The following PARD3 variants were observed in gnomAD, a reference collection of about 807,000 sequenced individuals.
PARD3 encodes the protein partitioning defective 3 homolog.
A neutral mutation model predicts 155.4 loss-of-function variants in PARD3; 75 were observed. That is an observed-to-expected ratio of 0.48 (90% CI 0.40 to 0.58). The LOEUF is 0.58. Among genes scored for constraint, PARD3 ranks in the 20% least tolerant of loss-of-function variants. The pLI is 0.00. For missense variants in PARD3, 1,642 were observed against 1,721.7 expected, an observed-to-expected ratio of 0.95 and a Z score of 0.82; for synonymous variants, 576 against 610.5, an observed-to-expected ratio of 0.94 and a Z score of 0.83.
At chr10:34,312,177 A>G (rs1284301132) in intron 20 of PARD3, 3 of 1,167,768 alleles carry the variant, frequency 2.6e-6, no homozygotes, top group Non-Finnish European at 3.5e-6. Context: ...TCAAGATCCA[A>G]AAGTTCCAAA....
At chr10:34,755,092 A>C in intron 1 of PARD3, among the ~76,000 whole-genome samples, 1 of 142,238 alleles carries the variant, frequency 7.0e-6, no homozygotes, top group Admixed American at 6.7e-5. Context: ...AGGATGACTG[A>C]CAGCTTCAAG....
chr10:34,789,304 A>T (rs2134231899), intron 1 of PARD3, among the ~76,000 whole-genome samples: 1 of 152,268 alleles, frequency 6.6e-6, no homozygotes, highest in African/African-American at 2.4e-5. Context: ...AAAGGAAAAA[A>T]ATTACCAAAA....
intron 2 of PARD3, among the ~76,000 whole-genome samples, chr10:34,660,876 T>C (rs892309174): frequency 2.6e-5 from 4 of 152,148 alleles, no homozygotes; most frequent in Non-Finnish European, 4.4e-5. Flanking sequence ...CACAGAAATA[T>C]TGTGTTTCAT....
intron 22 of PARD3, among the ~76,000 whole-genome samples, chr10:34,198,461 T>C (rs1001187473): frequency 6.7e-6 from 1 of 150,284 alleles, no homozygotes; most frequent in African/African-American, 2.5e-5. Flanking sequence ...TTGGTGTGTG[T>C]GTGTGTGTGT....
intron 2 of PARD3, among the ~76,000 whole-genome samples, chr10:34,553,238 C>A (rs2084729702): frequency 6.6e-6 from 1 of 152,118 alleles, no homozygotes; most frequent in South Asian, 2.1e-4. Context: ...TTGCCAAACA[C>A]AATTCCTAGG....
intron 21 of PARD3, among the ~76,000 whole-genome samples, chr10:34,270,841 C>T (rs1955578988): frequency 6.6e-6 from 1 of 152,148 alleles, no homozygotes; most frequent in Non-Finnish European, 1.5e-5. Context: ...TACATTACAA[C>T]TAAGAAACAA....
rs935925549 is a variant in PARD3 at position 34,382,766 on chromosome 10, G to T, written c.1173C>A (p.Asn391Lys). 1.2e-6 allele frequency: 2 copies of T among 1,614,074 alleles called. No homozygotes were observed. Among genetic ancestry groups the T allele is most frequent in the South Asian group, 1.1e-5 (1 of 91,086 alleles). Residue 391 changes from asparagine to lysine, a missense_variant, in exon 9 of 25, where the codon AAC becomes AAA. Physicochemically the swap from Asn to Lys is moderately conservative, Grantham distance 94. Transcript: ENST00000374788. ...RFSPDSQYIDNRSVNSAGLHT... is the reference protein window; with the variant it reads ...RFSPDSQYIDKRSVNSAGLHT... ...GAAGCCCTGCACTGTTCACACTCCTGTTGTCAATATACTGGCTGTCAGGGC... is the reference window on the plus strand; with the variant it reads ...GAAGCCCTGCACTGTTCACACTCCTTTTGTCAATATACTGGCTGTCAGGGC...
At chr10:34,628,050 G>A (rs1207603740) in intron 2 of PARD3, among the ~76,000 whole-genome samples, 1 of 152,014 alleles carries the variant, frequency 6.6e-6, no homozygotes, top group Non-Finnish European at 1.5e-5. Flanking sequence ...CACTCTCCTG[G>A]GATTTGCACA....
rs1753583 is a variant in PARD3, at chr10:34,139,200, T to G, written c.3420-7617A>C. 7.2e-5 allele frequency among the ~76,000 whole-genome samples: 11 copies of G among 152,172 alleles called. No individual in the cohort carries two copies. In the East Asian group the frequency reaches 2.1e-3, roughly 29 times the overall value. On this transcript the variant is annotated intron_variant, in intron 22 of 24. Coordinates refer to ENST00000374788, the MANE Select transcript of PARD3 (RefSeq NM_001184785.2). ...AAAGGAGAAGATAGTAGGTTAAAGC[T>G]TCTAAGACTCAATTCACTTATACTC...
At chr10:34,551,950 C>A (rs2084613983) in intron 2 of PARD3, among the ~76,000 whole-genome samples, 1 of 152,178 alleles carries the variant, frequency 6.6e-6, no homozygotes, top group African/African-American at 2.4e-5. Context: ...GGTTGTCTGT[C>A]TTGACCCTAC....
chr10:34,549,176 A>C (rs1184869542), intron 2 of PARD3, among the ~76,000 whole-genome samples: 2 of 152,202 alleles, frequency 1.3e-5, no homozygotes, highest in Non-Finnish European at 2.9e-5. Flanking sequence ...TTCCCATGAG[A>C]AATCCTCTGA....
chr10:34,694,849 A>G (rs1032312844), intron 2 of PARD3, among the ~76,000 whole-genome samples: 4 of 152,178 alleles, frequency 2.6e-5, no homozygotes, highest in Admixed American at 2.0e-4. Flanking sequence ...TAAGATATGC[A>G]CCAACTCTCA....
At chr10:34,720,162 GC>G (rs1408654421) in intron 1 of PARD3, among the ~76,000 whole-genome samples, 1 of 152,222 alleles carries the variant, frequency 6.6e-6, no homozygotes, top group Admixed American at 6.5e-5. Context: ...AACGGGCACG[GC>G]GGCTCATGCC....
At chr10:34,692,086 G>T (rs1426203499) in intron 2 of PARD3, among the ~76,000 whole-genome samples, 15 of 152,134 alleles carry the variant, frequency 9.9e-5, no homozygotes, top group Admixed American at 9.8e-4. Flanking sequence ...ACAAAAATTA[G>T]CCAGGCATGG....
At chr10:34,718,438 T>C (rs1047515770) in intron 1 of PARD3, among the ~76,000 whole-genome samples, 1 of 151,654 alleles carries the variant, frequency 6.6e-6, no homozygotes, top group African/African-American at 2.4e-5. Context: ...GGCCAGAGGA[T>C]TGCTTGAACC....
chr10:34,512,722 T>C (rs1174266475), intron 3 of PARD3, among the ~76,000 whole-genome samples: 1 of 152,242 alleles, frequency 6.6e-6, no homozygotes, highest in Non-Finnish European at 1.5e-5. Context: ...AGGAATTAAC[T>C]ATGACATGTC....
chr10:34,270,686 C>T (rs916228769), intron 21 of PARD3, among the ~76,000 whole-genome samples: 1 of 152,080 alleles, frequency 6.6e-6, no homozygotes, highest in African/African-American at 2.4e-5. Flanking sequence ...CGAATCCACA[C>T]CATAACTCTT....
At chr10:34,475,302 T>G (rs2078636490) in intron 3 of PARD3, among the ~76,000 whole-genome samples, 1 of 152,192 alleles carries the variant, frequency 6.6e-6, no homozygotes, top group Non-Finnish European at 1.5e-5. Flanking sequence ...TGTTTAACAT[T>G]TTGCTTAATA....
chr10:34,796,761 G>C (rs1373415252), intron 1 of PARD3, among the ~76,000 whole-genome samples: 1 of 152,210 alleles, frequency 6.6e-6, no homozygotes, highest in Admixed American at 6.5e-5. Flanking sequence ...GAGGCGAGTG[G>C]ATCACCTGAG....
Sources: gnomAD v4.1 joint callset for allele counts (sites outside exome capture counted in the v4.1 genomes callset) on GRCh38, gnomAD v4.1.1 for gene constraint, MANE v1.5 for transcripts, NCBI Gene and HGNC (gene_info 2026-07-23, HGNC 2026-07-21) for gene names.